The following PLXNA4 variants were observed in gnomAD, a reference collection of about 807,000 sequenced individuals.
PLXNA4 encodes the protein plexin-A4.
PLXNA4 carries 44 observed loss-of-function variants against 191.8 expected under a neutral mutation model. The observed-to-expected ratio is 0.23, with a 90% CI of 0.18 to 0.29. PLXNA4 has a LOEUF of 0.29. Among genes scored for constraint, PLXNA4 ranks in the 10% least tolerant of loss-of-function variants. PLXNA4 has a pLI of 1.00. For missense variants in PLXNA4, 1,800 were observed against 2,488.8 expected (o/e 0.72, Z 5.89); for synonymous variants, 1,082 against 1,009.5 (o/e 1.07, Z -1.36).
At chr7:132,389,178 T>C (rs1332884088) in intron 3 of PLXNA4, among the ~76,000 whole-genome samples, 1 of 152,272 alleles carries the variant, frequency 6.6e-6, no homozygotes, top group Non-Finnish European at 1.5e-5. Context: ...CTTTGTCAGA[T>C]GGATAGATTG....
intron 6 of PLXNA4, 22 bp downstream of exon 6, chr7:132,228,324 C>T: frequency 1.9e-6 from 3 of 1,613,722 alleles, no homozygotes; most frequent in South Asian, 2.2e-5. Context: ...CTGGACCCCA[C>T]CCCAACCCCC....
chr7:132,252,916 T>C (rs113495337), intron 4 of PLXNA4, among the ~76,000 whole-genome samples: 185 of 152,304 alleles, frequency 1.2e-3, no homozygotes, highest in African/African-American at 4.0e-3. Flanking sequence ...ATGTCTATGA[T>C]TCATATTTGA....
At chr7:132,557,343 C>T (rs1158953765) in intron 1 of PLXNA4, among the ~76,000 whole-genome samples, 1 of 152,120 alleles carries the variant, frequency 6.6e-6, no homozygotes, top group Non-Finnish European at 1.5e-5. Context: ...CAAAGGCTCC[C>T]AACTTGCCAG....
intron 4 of PLXNA4, among the ~76,000 whole-genome samples, chr7:132,284,109 G>T (rs73496854): frequency 0.019 from 2,820 of 152,266 alleles, 97 homozygotes; most frequent in African/African-American, 0.064. Context: ...GGACTTCAAG[G>T]TTACAGTGAG....
intron 5 of PLXNA4, among the ~76,000 whole-genome samples, chr7:132,232,288 G>A (rs1056306500): frequency 3.9e-5 from 6 of 152,138 alleles, no homozygotes; most frequent in African/African-American, 1.4e-4. Flanking sequence ...TTGACATGAA[G>A]GAATCCCCTG....
chr7:132,314,973 A>G (rs955912212), intron 3 of PLXNA4, among the ~76,000 whole-genome samples: 4 of 152,204 alleles, frequency 2.6e-5, no homozygotes, highest in African/African-American at 9.7e-5. Context: ...GAGGGTTTTT[A>G]TCAGAGACAC....
chr7:132,565,046 A>C (rs984397506), intron 1 of PLXNA4, among the ~76,000 whole-genome samples: 3 of 152,112 alleles, frequency 2.0e-5, no homozygotes, highest in African/African-American at 7.2e-5. Context: ...CAGCAAACAC[A>C]CGGGAGCCGG....
At chr7:132,558,859 G>A (rs954807852) in intron 1 of PLXNA4, among the ~76,000 whole-genome samples, 2 of 152,180 alleles carry the variant, frequency 1.3e-5, no homozygotes, top group South Asian at 4.1e-4. Context: ...AACATAAGAA[G>A]GTGGTACAAG....
intron 2 of PLXNA4, among the ~76,000 whole-genome samples, chr7:132,608,078 T>TCAC (rs1802969470): frequency 2.0e-5 from 3 of 148,566 alleles, no homozygotes; most frequent in Non-Finnish European, 3.0e-5. Context: ...ATCACCACCA[T>TCAC]CACCACCATC....
intron 4 of PLXNA4, among the ~76,000 whole-genome samples, chr7:132,283,543 C>T (rs1800566330): frequency 6.6e-6 from 1 of 152,196 alleles, no homozygotes; most frequent in Admixed American, 6.5e-5. Flanking sequence ...ATGAAGAGAA[C>T]ACTCCTTTCC....
chr7:132,446,811 G>A (rs922517001), intron 3 of PLXNA4, among the ~76,000 whole-genome samples: 4 of 152,236 alleles, frequency 2.6e-5, no homozygotes, highest in Non-Finnish European at 4.4e-5. Flanking sequence ...ACTAGTAAGC[G>A]GTAGATCTGG....
intron 1 of PLXNA4, among the ~76,000 whole-genome samples, chr7:132,568,577 AC>A (rs1290038578): frequency 1.3e-5 from 2 of 151,998 alleles, no homozygotes; most frequent in Non-Finnish European, 2.9e-5. Flanking sequence ...ACATCACGCC[AC>A]CCCACCCCAA....
chr7:132,486,815 G>A (rs1797576807), intron 3 of PLXNA4, among the ~76,000 whole-genome samples: 2 of 152,220 alleles, frequency 1.3e-5, no homozygotes, highest in Admixed American at 6.5e-5. Context: ...TGTGTCACCT[G>A]TCACTGCCTG....
chr7:132,242,660 C>G (rs542777190), intron 4 of PLXNA4, among the ~76,000 whole-genome samples: 1 of 152,168 alleles, frequency 6.6e-6, no homozygotes, highest in Non-Finnish European at 1.5e-5. Context: ...CCCATTCTGA[C>G]GGCAGTGACC....
chr7:132,610,954 G>A (rs1180975284), intron 2 of PLXNA4, among the ~76,000 whole-genome samples: 1 of 152,194 alleles, frequency 6.6e-6, no homozygotes, highest in Admixed American at 6.5e-5. Context: ...ACAAGGAAGG[G>A]AAGCTTCTCT....
At chr7:132,167,893 G>GTCCTC (rs2116663407) in intron 22 of PLXNA4, among the ~76,000 whole-genome samples, 1 of 152,266 alleles carries the variant, frequency 6.6e-6, no homozygotes, top group South Asian at 2.1e-4. Flanking sequence ...TCCCGATGCT[G>GTCCTC]TCCTCTGCCA....
rs1408312436 is a variant in PLXNA4 at position 132,128,240 on chromosome 7, T to G, written c.*2239A>C. ...ATGATCAAGGATAGAAAAGTCAAGC[T>G]TCTCCACCTGGTACTGCACTTGCCA... On this transcript the variant is annotated 3_prime_UTR_variant, in exon 32 of 32. Transcript: ENST00000321063. 1.3e-5 allele frequency: 2 copies of G among 152,242 alleles called. No individual in the cohort carries two copies. The highest frequency in any genetic ancestry group is 1.3e-4 in the Admixed American group (2 of 15,282). The allele number at this position is 152,242 out of a possible 1,614,324, so 9.4% of individuals were successfully genotyped here.
chr7:132,628,390 C>T (rs1473768574), intron 2 of PLXNA4, among the ~76,000 whole-genome samples: 1 of 151,744 alleles, frequency 6.6e-6, no homozygotes, highest in Non-Finnish European at 1.5e-5. Flanking sequence ...CTCTCTTTTT[C>T]TCTCAGCTTT....
intron 1 of PLXNA4, among the ~76,000 whole-genome samples, chr7:132,571,735 C>T (rs1405391334): frequency 6.6e-6 from 1 of 152,098 alleles, no homozygotes; most frequent in South Asian, 2.1e-4. Flanking sequence ...GTGTTGTTTC[C>T]ACAATACTAG....
Sources: gnomAD v4.1 joint callset for allele counts (sites outside exome capture counted in the v4.1 genomes callset) on GRCh38, gnomAD v4.1.1 for gene constraint, MANE v1.5 for transcripts, NCBI Gene and HGNC (gene_info 2026-07-23, HGNC 2026-07-21) for gene names.